The following NEK2 variants were observed in gnomAD, a reference collection of about 807,000 sequenced individuals.
The protein encoded by NEK2 is NIMA related kinase 2.
NEK2 carries 28 observed loss-of-function variants against 54.1 expected under a neutral mutation model. That is an observed-to-expected ratio of 0.52 (90% CI 0.38 to 0.71). NEK2 has a LOEUF of 0.71. Ranked by LOEUF, NEK2 falls within the 30% of genes least tolerant of loss-of-function variation. The pLI, the probability that NEK2 is intolerant of heterozygous loss-of-function variation, is 0.00. For synonymous variants in NEK2, 176 were observed against 193.1 expected, an observed-to-expected ratio of 0.91 and a Z score of 0.73; for missense variants, 407 against 531.5, an observed-to-expected ratio of 0.77 and a Z score of 2.30.
intron 2 of NEK2, among the ~76,000 whole-genome samples, chr1:211,674,091 C>T (rs1311926830): frequency 6.6e-6 from 1 of 152,154 alleles, no homozygotes; most frequent in East Asian, 1.9e-4. Context: ...GTTGGGATTA[C>T]AGGTGTGAGC....
At chr1:211,661,762 C>T (rs1655023207), downstream of NEK2, among the ~76,000 whole-genome samples, 4 of 152,214 alleles carry the variant, frequency 2.6e-5, no homozygotes, top group Admixed American at 2.6e-4. Flanking sequence ...CTGGAGGAAC[C>T]TCAGTATCAG....
At position 211,675,526 on chromosome 1, in the gene NEK2, C is replaced by G; in HGVS notation, c.-47G>C. ...GCGCTGCCTCACGCAGGTTGCGCCGCCAAGTGCGGAGCTCCAGGGACCAGG... is the reference window on the plus strand; with the variant it reads ...GCGCTGCCTCACGCAGGTTGCGCCGGCAAGTGCGGAGCTCCAGGGACCAGG... On this transcript the variant is annotated 5_prime_UTR_variant, in exon 1 of 8. Coordinates refer to ENST00000366999, the MANE Select transcript of NEK2 (RefSeq NM_002497.4). 6.5e-7 allele frequency: 1 copy of G among 1,543,576 alleles called. No homozygotes were observed. The highest frequency in any genetic ancestry group is 8.9e-7 in the Non-Finnish European group (1 of 1,118,354).
Position 211,673,660 on chromosome 1 carries a change from T to C in NEK2, c.378A>G (p.Glu126=), listed in dbSNP as rs990474751. The C allele has an allele frequency of 1.2e-6, 2 of 1,614,140 alleles. No homozygotes were observed. The highest frequency in any genetic ancestry group is 1.7e-6 in the Non-Finnish European group (2 of 1,180,020). The change falls in exon 3 of 8, where the codon GAA becomes GAG. Residue 126 remains glutamate, a synonymous_variant. Transcript: ENST00000366999. ...GACCACCATCACTTCGTCTGTGGCA[T>C]TCCTTCAGGGCCAGAGTCAACTGAG... ...VMTQLTLALK[E]CHRRSDGGHT... is the part of the protein sequence containing the mutation.
At chr1:211,673,015 G>A (rs1655448848) in intron 3 of NEK2, among the ~76,000 whole-genome samples, 1 of 151,512 alleles carries the variant, frequency 6.6e-6, no homozygotes, top group South Asian at 2.1e-4. Flanking sequence ...TGGTCTGGTG[G>A]TCCATGTGGA....
intron 4 of NEK2, 127 bp downstream of exon 4, chr1:211,671,075 A>C: frequency 1.4e-6 from 1 of 703,766 alleles, no homozygotes; most frequent in Non-Finnish European, 2.5e-6. Context: ...CCTTAATTTT[A>C]CCCAGGGTAC....
At chr1:211,673,870 G>C in intron 2 of NEK2, 147 bp from the exon 3 acceptor site, 1 of 887,394 alleles carries the variant, frequency 1.1e-6, no homozygotes, top group Non-Finnish European at 1.6e-6. Flanking sequence ...TGTCACCCAG[G>C]CTGGAATGCA....
At chr1:211,661,858 A>G (rs1442052408), downstream of NEK2, among the ~76,000 whole-genome samples, 4 of 152,312 alleles carry the variant, frequency 2.6e-5, no homozygotes, top group African/African-American at 9.6e-5. Context: ...GCGTGGCACT[A>G]TTCATGAAGG....
At chr1:211,671,558 T>C (rs146486683) in intron 3 of NEK2, among the ~76,000 whole-genome samples, 2 of 152,340 alleles carry the variant, frequency 1.3e-5, no homozygotes, top group East Asian at 3.9e-4. Context: ...GAGAGACTTC[T>C]ACTCTCAAGG....
intron 3 of NEK2, among the ~76,000 whole-genome samples, chr1:211,672,650 C>CA (rs1422957776): frequency 6.6e-6 from 1 of 150,484 alleles, no homozygotes; most frequent in African/African-American, 2.4e-5. Flanking sequence ...AGAACCCACC[C>CA]AGAGATCGAA....
chr1:211,667,264 T>C, intron 6 of NEK2, 33 bp from the exon 7 acceptor site: 1 of 1,560,206 alleles, frequency 6.4e-7, no homozygotes, highest in Non-Finnish European at 8.7e-7. Flanking sequence ...GAAAAAAAAA[T>C]TAACAACTGA....
chr1:211,673,762 A>C, intron 2 of NEK2, 39 bp from the exon 3 acceptor site: 1 of 1,595,610 alleles, frequency 6.3e-7, no homozygotes, highest in Non-Finnish European at 8.6e-7. Flanking sequence ...AACTTCTAAA[A>C]AAATCATTGC....
intron 3 of NEK2, among the ~76,000 whole-genome samples, chr1:211,671,806 A>G (rs1005334254): frequency 3.3e-5 from 5 of 152,220 alleles, no homozygotes; most frequent in Non-Finnish European, 7.3e-5. Flanking sequence ...CCTATTCTCA[A>G]CAGAGGGAAT....
chr1:211,660,754 G>T (rs2102436728), downstream of NEK2: 1 of 689,508 alleles, frequency 1.5e-6, no homozygotes, highest in Non-Finnish European at 2.7e-6. Context: ...CCCAATCTCA[G>T]TCTGATAGGA....
intron 5 of NEK2, 50 bp from the exon 6 acceptor site, chr1:211,669,382 C>A: frequency 6.8e-7 from 1 of 1,477,892 alleles, no homozygotes; most frequent in Non-Finnish European, 9.4e-7. Context: ...ACAGAATAGT[C>A]CTCCTAAGAC....
chr1:211,662,307 T>C (rs1655037607), downstream of NEK2, among the ~76,000 whole-genome samples: 1 of 152,216 alleles, frequency 6.6e-6, no homozygotes. The surrounding 1 kb of genome is among the most constrained non-coding windows in gnomAD (Gnocchi z 4.2). Flanking sequence ...AGGATTGTGA[T>C]TTTGGAAGTT....
chr1:211,660,407 G>C, downstream of NEK2: 1 of 691,848 alleles, frequency 1.4e-6, no homozygotes, highest in South Asian at 1.4e-5. Flanking sequence ...TTCAGGATCT[G>C]GTACTGTTTT....
rs1372956733 is a variant in NEK2 at position 211,663,186 on chromosome 1, GC to G, written c.*239del. The G allele has an allele frequency of 1.6e-6, 2 of 1,280,312 alleles. No individual in the cohort carries two copies. Among genetic ancestry groups the G allele is most frequent in the Non-Finnish European group, 9.9e-7 (1 of 1,012,398 alleles). The allele number at this position is 1,280,312 out of a possible 1,614,324, so 79.3% of individuals were successfully genotyped here. A position where few individuals can be genotyped will look rare whatever the true frequency, so the allele number is the denominator to read the frequency against. On this transcript the variant is annotated 3_prime_UTR_variant, in exon 8 of 8. Coordinates refer to ENST00000366999, the MANE Select transcript of NEK2 (RefSeq NM_002497.4). ...CTAGTAATCACACACAGGATTAAAA[GC>G]CCAACCAAGAAAGTATTCTTTTTAT...
intron 6 of NEK2, among the ~76,000 whole-genome samples, chr1:211,668,287 G>A (rs1655240777): frequency 6.6e-6 from 1 of 152,110 alleles, no homozygotes; most frequent in East Asian, 1.9e-4. Flanking sequence ...GTCTCCTGAT[G>A]TTAAAATGAA....
chr1:211,662,692 C>T (rs566596428), downstream of NEK2: 1 of 714,304 alleles, frequency 1.4e-6, no homozygotes, highest in East Asian at 1.3e-4. This position sits in a 1 kb window ranked among gnomAD's most constrained non-coding sequence, Gnocchi z 4.2. Flanking sequence ...ATGTTTCCTT[C>T]TGTACCCTAC....
Sources: gnomAD v4.1 joint callset for allele counts (sites outside exome capture counted in the v4.1 genomes callset) on GRCh38, gnomAD v4.1.1 for gene constraint, Gnocchi (gnomAD v3.1) non-coding constraint, MANE v1.5 for transcripts, NCBI Gene and HGNC (gene_info 2026-07-23, HGNC 2026-07-21) for gene names.